Variants in RNF41 observed in about 807,000 individuals in gnomAD.
The protein encoded by RNF41 is ring finger protein 41, also known as E3 ubiquitin-protein ligase NRDP1.
Under a neutral mutation model 33.0 loss-of-function variants are expected in RNF41, and 4 were observed. The observed-to-expected ratio is 0.12, with a 90% CI of 0.06 to 0.28. The LOEUF is 0.28. Ranked by LOEUF, RNF41 falls within the 10% of genes least tolerant of loss-of-function variation. RNF41 has a pLI of 1.00. For synonymous variants in RNF41, 164 were observed against 153.2 expected (o/e 1.07, Z -0.52); for missense variants, 228 against 432.6 (o/e 0.53, Z 4.19).
At chr12:56,217,403 C>T (rs1292467749) in intron 1 of RNF41, among the ~76,000 whole-genome samples, 6 of 151,754 alleles carry the variant, frequency 4.0e-5, no homozygotes, top group African/African-American at 7.3e-5. Flanking sequence ...AAAAATTAGC[C>T]GGGTATGGTG....
chr12:56,207,651 G>A lies in RNF41; in HGVS notation c.597C>T (p.Ile199=), dbSNP rs779940450. Residue 199 remains isoleucine, a synonymous_variant, in exon 6 of 7, where the codon ATC becomes ATT. Transcript: ENST00000345093. ...NLEETIEYNE[I]LEWVNSLQPA... ...ACGTCCTGAGTGACACTCACTCTAGGATCTCGTTGTATTCAATTGTCTCCT... is the reference window on the plus strand; with the variant it reads ...ACGTCCTGAGTGACACTCACTCTAGAATCTCGTTGTATTCAATTGTCTCCT... 10 of 1,610,314 alleles carry A rather than the reference G, an allele frequency of 6.2e-6. No homozygotes were observed. The South Asian group carries it at 1.1e-4, about 18-fold the overall frequency.
intron 1 of RNF41, among the ~76,000 whole-genome samples, chr12:56,218,358 G>C (rs1869064677): frequency 6.6e-6 from 1 of 151,294 alleles, no homozygotes; most frequent in South Asian, 2.1e-4. Flanking sequence ...TTCCCAGCAG[G>C]CTCCAGCAAT....
rs1421454740 is a variant in RNF41 at position 56,207,728 on chromosome 12, T to G, written c.520A>C (p.Lys174Gln). 5 of 1,614,124 alleles carry G rather than the reference T, an allele frequency of 3.1e-6. No homozygotes were observed. The highest frequency in any genetic ancestry group is 1.3e-5 in the African/African-American group (1 of 75,062). The change falls in exon 6 of 7, where the codon AAG becomes CAG. Residue 174 changes from lysine (K) to glutamine (Q), a missense_variant. Lys to Gln is a moderately conservative substitution (Grantham distance 53). Coordinates refer to ENST00000345093, the MANE Select transcript of RNF41 (RefSeq NM_005785.4). ...AEQKRDIQLL[K>Q]AYMRAIRSVN... ...CTGCGGATTGCACGCATGTATGCCT[T>G]TAGCAGCTGGATGTCTCGCTTCTGT...
At chr12:56,218,135 G>A (rs1206184982) in intron 1 of RNF41, among the ~76,000 whole-genome samples, 1 of 151,814 alleles carries the variant, frequency 6.6e-6, no homozygotes, top group African/African-American at 2.4e-5. Flanking sequence ...TGTATTTTTA[G>A]TAGAGACGGG....
chr12:56,208,845 C>T (rs1300064041), intron 4 of RNF41, among the ~76,000 whole-genome samples: 3 of 149,562 alleles, frequency 2.0e-5, no homozygotes, highest in East Asian at 2.0e-4. Flanking sequence ...GGATTACAGG[C>T]GTGAGCCACC....
chr12:56,218,224 G>T (rs1466731211), intron 1 of RNF41, among the ~76,000 whole-genome samples: 1 of 151,872 alleles, frequency 6.6e-6, no homozygotes, highest in Admixed American at 6.6e-5. Flanking sequence ...AAAATGCTGG[G>T]ATTACAAGTG....
intron 3 of RNF41, chr12:56,213,112 G>A (rs372605256): frequency 7.8e-7 from 1 of 1,289,648 alleles, no homozygotes; most frequent in Non-Finnish European, 1.0e-6. Flanking sequence ...TCAAAATGCA[G>A]AGTGCATGGC....
intron 3 of RNF41, among the ~76,000 whole-genome samples, chr12:56,212,784 G>T (rs1048799816): frequency 6.6e-6 from 1 of 152,108 alleles, no homozygotes; most frequent in Non-Finnish European, 1.5e-5. Flanking sequence ...AAGGCTCAAG[G>T]GGAGCCCCTG....
At chr12:56,215,124 T>C (rs1868775806) in intron 2 of RNF41, among the ~76,000 whole-genome samples, 1 of 152,098 alleles carries the variant, frequency 6.6e-6, no homozygotes, top group South Asian at 2.1e-4. Context: ...GGGCATATGA[T>C]AGGTTCAGAG....
intron 6 of RNF41, chr12:56,207,146 G>A: frequency 1.5e-6 from 2 of 1,318,698 alleles, no homozygotes; most frequent in Non-Finnish European, 2.0e-6. Context: ...TATTTGCCCT[G>A]TATATATTGA....
At position 56,205,370 on chromosome 12, in the gene RNF41, A is replaced by G. The variant is rs1326908021; in HGVS notation, c.*1077T>C. 1 of 152,166 alleles carries G rather than the reference A, an allele frequency of 6.6e-6. No homozygotes were observed. Among genetic ancestry groups the G allele is most frequent in the Non-Finnish European group, 1.5e-5 (1 of 68,032 alleles). The allele number at this position is 152,166 out of a possible 1,614,324, so 9.4% of individuals were successfully genotyped here. ...ATATTAAAGCCAAAGGTTGTGCTGAAAAGGAAAAAATATAAAACACACCCC... is the reference window on the plus strand; with the variant it reads ...ATATTAAAGCCAAAGGTTGTGCTGAGAAGGAAAAAATATAAAACACACCCC... On this transcript the variant is annotated 3_prime_UTR_variant, in exon 7 of 7. Coordinates refer to ENST00000345093, the MANE Select transcript of RNF41 (RefSeq NM_005785.4).
At position 56,206,466 on chromosome 12, in the gene RNF41, T is replaced by C; in HGVS notation, c.935A>G (p.His312Arg). ...QEPGLVMIFA[H>R]GVEEI ...GTTCTCTTATATCTCTTCCACGCCA[T>C]GCGCAAATATCATGACAAGGCCTGG... The change falls in exon 7 of 7, where the codon CAT (histidine) becomes CGT (arginine). Residue 312 changes from histidine (H) to arginine (R), a missense_variant. His to Arg is a conservative substitution (Grantham distance 29, BLOSUM62 0). This residue lies in a region of RNF41 where 199 missense variants were observed against 334.6 expected (regional missense o/e 0.59). Transcript: ENST00000345093. The surrounding 1 kb of genome is among the most constrained non-coding windows in gnomAD (Gnocchi z 5.7). 1 of 1,612,890 alleles carries C rather than the reference T, an allele frequency of 6.2e-7. No homozygotes were observed. The highest frequency in any genetic ancestry group is 1.3e-5 in the African/African-American group (1 of 75,024).
Position 56,207,416 on chromosome 12 carries a change from G to A in RNF41, c.602+230C>T, listed in dbSNP as rs1868291149. 9 of 789,248 alleles carry A rather than the reference G, an allele frequency of 1.1e-5. 1 individual carries two copies. In the South Asian group the frequency reaches 1.3e-4, roughly 11 times the overall value. 48.9% of individuals were successfully genotyped at this position (789,248 alleles called of 1,614,324 possible). On this transcript the variant is annotated intron_variant, in intron 6 of 6. Coordinates refer to ENST00000345093, the MANE Select transcript of RNF41 (RefSeq NM_005785.4). ...GTACTCACCTAATTCTGGATAAAGT[G>A]CATCCTTGGGCAGGCTTTCCCTCCA...
chr12:56,209,855 C>T (rs778568033), intron 4 of RNF41, among the ~76,000 whole-genome samples: 1 of 152,136 alleles, frequency 6.6e-6, no homozygotes, highest in East Asian at 1.9e-4. Context: ...TTGCCCACTT[C>T]GGCCTCCCAA....
rs188647269 is a variant in RNF41, at chr12:56,217,470, C to G, written c.-208-857G>C. Among the ~76,000 whole-genome samples the G allele has an allele frequency of 9.5e-4, 144 of 152,178 alleles. 4 individuals are homozygous for G. The East Asian group carries it at 0.019, about 20-fold the overall frequency. ...GCTGAGGCAGGGAGAATTGCTTGAA[C>G]CCAGGAGGCGGAGGTTGCAGTGAGC... On this transcript the variant is annotated intron_variant, in intron 1 of 6. Transcript: ENST00000345093.
chr12:56,207,605 G>C, intron 6 of RNF41, 41 bp downstream of exon 6: 1 of 1,431,614 alleles, frequency 7.0e-7, no homozygotes, highest in East Asian at 2.3e-5. Context: ...AGGCCTTGTT[G>C]TCAGGACATG....
Position 56,210,399 on chromosome 12 carries a change from A to G in RNF41, c.260T>C (p.Val87Ala). 1 of 1,614,226 alleles carries G rather than the reference A, an allele frequency of 6.2e-7. No homozygotes were observed. Among genetic ancestry groups the G allele is most frequent in the Non-Finnish European group, 8.5e-7 (1 of 1,180,036 alleles). ...SKLQIACDNA[V>A]FGCSAVVRLD... The stretch of plus-strand genomic sequence containing the variant: ...CCGGACAACGGCACTACAGCCGAAC[A>G]CAGCGTTGTCACAGGCAATCTGCAG... Residue 87 changes from valine (V) to alanine (A), a missense_variant, in exon 4 of 7, where the codon GTG becomes GCG. Val to Ala is a moderately conservative substitution (Grantham distance 64). This residue lies in a region of RNF41 where 199 missense variants were observed against 334.6 expected (regional missense o/e 0.59). Transcript: ENST00000345093.
Position 56,204,158 on chromosome 12 carries a change from A to G in RNF41, c.*2289T>C, listed in dbSNP as rs1399855898. The G allele has an allele frequency of 1.3e-5, 2 of 152,220 alleles. No individual in the cohort carries two copies. The highest frequency in any genetic ancestry group is 2.9e-5 in the Non-Finnish European group (2 of 68,052). 9.4% of individuals were successfully genotyped at this position (152,220 alleles called of 1,614,324 possible). On this transcript the variant is annotated 3_prime_UTR_variant, in exon 7 of 7. Transcript: ENST00000345093. ...TCTAAAGCAAAGTTGCTTGTGGGAC[A>G]AAGGAAAAAGATATATACATATCTT...
At chr12:56,214,164 A>C in intron 2 of RNF41, 94 bp from the exon 3 acceptor site, 1 of 749,920 alleles carries the variant, frequency 1.3e-6, no homozygotes, top group Non-Finnish European at 2.4e-6. Context: ...TCATTTATCC[A>C]ACAAATATTT....
Sources: allele counts gnomAD v4.1 joint callset (sites outside exome capture counted in the v4.1 genomes callset), GRCh38; gene constraint gnomAD v4.1.1; regional missense constraint gnomAD v4.1.1; non-coding constraint Gnocchi (gnomAD v3.1); transcripts MANE v1.5; gene names NCBI Gene and HGNC (gene_info 2026-07-23, HGNC 2026-07-21).